PRDM16: variants seen among roughly 807,000 people sequenced by gnomAD.
PRDM16 encodes PR/SET domain 16, also known as histone-lysine N-methyltransferase PRDM16.
PRDM16 carries 23 observed loss-of-function variants against 110.6 expected under a neutral mutation model. The ratio of observed to expected loss-of-function variants is 0.21; its 90% confidence interval spans 0.15 to 0.29. The LOEUF (loss-of-function observed/expected upper bound fraction) is 0.29, where lower values mean the gene tolerates loss of function less well. Among genes scored for constraint, PRDM16 ranks in the 10% least tolerant of loss-of-function variants. The pLI is 1.00. For synonymous variants in PRDM16, 799 were observed against 781.8 expected, an observed-to-expected ratio of 1.02 and a Z score of -0.37; for missense variants, 1,615 against 1,794.3, an observed-to-expected ratio of 0.90 and a Z score of 1.81.
Position 3,148,962 on chromosome 1 carries a change from G to T in PRDM16, c.38-37163G>T, listed in dbSNP as rs1366185346. Among the ~76,000 whole-genome samples, 2 of 152,192 alleles carry T rather than the reference G, an allele frequency of 1.3e-5. No individual in the cohort carries two copies. Among genetic ancestry groups the T allele is most frequent in the East Asian group, 3.9e-4 (2 of 5,188 alleles). ...GAAGGGCTGGAGCCCAGCTCTACTG[G>T]TATCAGGGGGGTCATGGGAGCCCCC... On this transcript the variant is annotated intron_variant, in intron 1 of 16. Transcript: ENST00000270722. The surrounding 1 kb of genome is among the most constrained non-coding windows in gnomAD (Gnocchi z 5.0).
At chr1:3,406,947 C>T (rs1262892662) in intron 8 of PRDM16, among the ~76,000 whole-genome samples, 1 of 152,198 alleles carries the variant, frequency 6.6e-6, no homozygotes, top group African/African-American at 2.4e-5. Flanking sequence ...TGGGGCCCTT[C>T]TGTCTCCAGT....
At chr1:3,195,161 G>T (rs150935785) in intron 2 of PRDM16, among the ~76,000 whole-genome samples, 1 of 152,190 alleles carries the variant, frequency 6.6e-6, no homozygotes. Context: ...TGAGGCCACC[G>T]TGGGGACAGG....
At chr1:3,282,733 A>G (rs1380761395) in intron 3 of PRDM16, among the ~76,000 whole-genome samples, 1 of 152,160 alleles carries the variant, frequency 6.6e-6, no homozygotes, top group Admixed American at 6.5e-5. Context: ...GAAGCTCCTC[A>G]GGCAGCTTCC....
chr1:3,222,643 A>G (rs1014861726), intron 2 of PRDM16, among the ~76,000 whole-genome samples: 3 of 152,134 alleles, frequency 2.0e-5, no homozygotes, highest in Non-Finnish European at 4.4e-5. Context: ...CAGGGCACTT[A>G]GGCCCAGCCC....
intron 3 of PRDM16, among the ~76,000 whole-genome samples, chr1:3,336,596 ATC>A (rs1282135093): frequency 2.6e-4 from 39 of 150,186 alleles, no homozygotes; most frequent in African/African-American, 9.1e-4. Context: ...ATGCATGCAC[ATC>A]TGTGTTGGTG....
intron 3 of PRDM16, among the ~76,000 whole-genome samples, chr1:3,247,111 C>G (rs1639807130): frequency 6.6e-6 from 1 of 152,120 alleles, no homozygotes; most frequent in African/African-American, 2.4e-5. Flanking sequence ...CAAAGGCACA[C>G]TTGGGAACAT....
intron 1 of PRDM16, among the ~76,000 whole-genome samples, chr1:3,146,219 A>C (rs34155367): frequency 0.031 from 4,728 of 152,336 alleles, 104 homozygotes; most frequent in Non-Finnish European, 0.045. Context: ...CGGAGGGTGG[A>C]AACGGGGGGG....
rs752753184 is a variant in PRDM16, at chr1:3,411,456, G to A, written c.1259G>A (p.Arg420His). 5 of 1,614,046 alleles carry A rather than the reference G, an allele frequency of 3.1e-6. No individual in the cohort carries two copies. The highest frequency in any genetic ancestry group is 2.7e-5 in the African/African-American group (2 of 74,920). ...CACAAGCGGATGCACGCCGACTGCC[G>A]CACGCAGATCAAGTGCAAGGACTGT... The part of the protein sequence containing the change: ...CRHKRMHADC[R>H]TQIKCKDCGQ... Residue 420 changes from arginine to histidine, a missense_variant, in exon 9 of 17, where the codon CGC becomes CAC. Physicochemically the swap from Arg to His is conservative, Grantham distance 29. Around this residue, in one of 5 missense-constraint regions of PRDM16, gnomAD observed 82 missense variants for 144.4 expected, o/e 0.57. Transcript: ENST00000270722.
intron 3 of PRDM16, among the ~76,000 whole-genome samples, chr1:3,297,999 G>A (rs2100380325): frequency 6.7e-6 from 1 of 149,166 alleles, no homozygotes; most frequent in South Asian, 2.1e-4. Context: ...GCTCCGCAGG[G>A]GAAGGCTCTG....
At position 3,390,509 on chromosome 1, in the gene PRDM16, C is replaced by T. The variant is rs989373111; in HGVS notation, c.573+5223C>T. ...TCCAGGGGCAGAGCAGGGGTCCCGG[C>T]GCCCGCCGTGGAGCAGCACAGCCCC... On this transcript the variant is annotated intron_variant, in intron 4 of 16. Transcript: ENST00000270722. This position sits in a 1 kb window ranked among gnomAD's most constrained non-coding sequence, Gnocchi z 5.0. Among the ~76,000 whole-genome samples, 1 of 152,190 alleles carries T rather than the reference C, an allele frequency of 6.6e-6. No homozygotes were observed. The highest frequency in any genetic ancestry group is 2.4e-5 in the African/African-American group (1 of 41,456).
chr1:3,355,624 G>A (rs1231337822), intron 3 of PRDM16, among the ~76,000 whole-genome samples: 1 of 152,122 alleles, frequency 6.6e-6, no homozygotes, highest in Admixed American at 6.5e-5. Flanking sequence ...GTGCTCTCCT[G>A]CTGGGGGGAC....
chr1:3,368,187 G>T (rs1396883078), intron 3 of PRDM16, among the ~76,000 whole-genome samples: 1 of 152,190 alleles, frequency 6.6e-6, no homozygotes, highest in Admixed American at 6.5e-5. Flanking sequence ...AGAGCCACCC[G>T]CCCGTGGCTG....
chr1:3,149,019 C>T (rs756569864), intron 1 of PRDM16, among the ~76,000 whole-genome samples: 4 of 152,164 alleles, frequency 2.6e-5, no homozygotes, highest in Admixed American at 2.0e-4. Context: ...TTGGCCACCC[C>T]GGCTTCTGTC....
chr1:3,215,405 C>T (rs890680852), intron 2 of PRDM16, among the ~76,000 whole-genome samples: 4 of 151,548 alleles, frequency 2.6e-5, no homozygotes, highest in Admixed American at 2.6e-4. Context: ...GGTCATGGGT[C>T]CCGGGGACAG....
chr1:3,214,144 G>A (rs188351569), intron 2 of PRDM16, among the ~76,000 whole-genome samples: 40 of 152,290 alleles, frequency 2.6e-4, no homozygotes, highest in African/African-American at 9.6e-4. Flanking sequence ...CAGAAAAGAG[G>A]AGAAAGTAGT....
chr1:3,396,812 C>A (rs953679832), intron 5 of PRDM16, among the ~76,000 whole-genome samples: 1 of 152,240 alleles, frequency 6.6e-6, no homozygotes, highest in Non-Finnish European at 1.5e-5. Flanking sequence ...CTTTCTTGTT[C>A]CTCTTCCCTG....
chr1:3,236,537 G>A (rs1002159946), intron 2 of PRDM16, among the ~76,000 whole-genome samples: 3 of 152,224 alleles, frequency 2.0e-5, no homozygotes, highest in Non-Finnish European at 4.4e-5. Flanking sequence ...CCAGCAAGCT[G>A]GGCGTGGCCA....
intron 1 of PRDM16, among the ~76,000 whole-genome samples, chr1:3,134,220 C>T (rs1420181681): frequency 6.6e-6 from 1 of 152,134 alleles, no homozygotes; most frequent in Non-Finnish European, 1.5e-5. Context: ...CACAGAGGCT[C>T]CCACAGAGAG....
chr1:3,123,444 G>T (rs1275975503), intron 1 of PRDM16, among the ~76,000 whole-genome samples: 1 of 152,246 alleles, frequency 6.6e-6, no homozygotes, highest in Non-Finnish European at 1.5e-5. Context: ...AAGGGTGTCT[G>T]CCAGCAGCTA....
Sources: gnomAD v4.1 joint callset for allele counts (sites outside exome capture counted in the v4.1 genomes callset) on GRCh38, gnomAD v4.1.1 for gene constraint, gnomAD v4.1.1 regional missense constraint, Gnocchi (gnomAD v3.1) non-coding constraint, MANE v1.5 for transcripts, NCBI Gene and HGNC (gene_info 2026-07-23, HGNC 2026-07-21) for gene names.